The following CNOT11 variants were observed in gnomAD, a reference collection of about 807,000 sequenced individuals.
CNOT11 encodes UPF0760 protein C2orf29.
CNOT11 carries 18 observed loss-of-function variants against 44.6 expected under a neutral mutation model. The observed-to-expected ratio is 0.40, with a 90% CI of 0.28 to 0.60. CNOT11 has a LOEUF of 0.60. Ranked by LOEUF, CNOT11 falls within the 20% of genes least tolerant of loss-of-function variation. The pLI is 0.38. For synonymous variants in CNOT11, 291 were observed against 270.9 expected (o/e 1.07, Z -0.73); for missense variants, 513 against 677.0 (o/e 0.76, Z 2.69).
chr2:101,261,896 G>A (rs895295689), intron 2 of CNOT11, among the ~76,000 whole-genome samples: 1 of 137,980 alleles, frequency 7.2e-6, no homozygotes, highest in Admixed American at 8.4e-5. Context: ...GCCCAGGCTG[G>A]AGTGCAGTGG....
At chr2:101,258,121 C>T (rs541345527) in intron 2 of CNOT11, among the ~76,000 whole-genome samples, 166 bp downstream of exon 2, 4 of 152,064 alleles carry the variant, frequency 2.6e-5, no homozygotes, top group Admixed American at 6.6e-5. Flanking sequence ...TGGCTGGGCA[C>T]GGTGGCTCAC....
At chr2:101,255,853 T>C (rs1681725713) in intron 1 of CNOT11, among the ~76,000 whole-genome samples, 1 of 151,864 alleles carries the variant, frequency 6.6e-6, no homozygotes, top group African/African-American at 2.4e-5. Context: ...AAACTGGGTG[T>C]AAGGCCGGGT....
intron 1 of CNOT11, among the ~76,000 whole-genome samples, chr2:101,257,562 C>T (rs892946486): frequency 6.6e-6 from 1 of 152,102 alleles, no homozygotes; most frequent in African/African-American, 2.4e-5. Flanking sequence ...TTACAGTTAA[C>T]AAGTACAAAA....
Position 101,253,553 on chromosome 2 carries a change from C to CA in CNOT11, c.514+76dup. On this transcript the variant is annotated intron_variant, in intron 1 of 6. Transcript: ENST00000289382. The surrounding 1 kb of genome is among the most constrained non-coding windows in gnomAD (Gnocchi z 4.3). ...CTTTCCACCTGCGCTGCTGGGAACT[C>CA]ACCTGAAAGGGAAATTAACTATCCC... 2.4e-6 allele frequency: 3 copies of CA among 1,256,808 alleles called. No individual in the cohort carries two copies. The highest frequency in any genetic ancestry group is 3.1e-6 in the Non-Finnish European group (3 of 958,620). The allele number at this position is 1,256,808 out of a possible 1,614,324, so 77.9% of individuals were successfully genotyped here.
At chr2:101,264,820 G>C (rs372740879) in intron 3 of CNOT11, 25 bp from the exon 4 acceptor site, 1 of 1,594,782 alleles carries the variant, frequency 6.3e-7, no homozygotes, top group East Asian at 2.2e-5. Flanking sequence ...CCTGATAGGA[G>C]CAACTATCAC....
intron 4 of CNOT11, among the ~76,000 whole-genome samples, chr2:101,265,580 A>C (rs911885349): frequency 6.6e-6 from 1 of 152,210 alleles, no homozygotes; most frequent in Middle Eastern, 3.4e-3. Flanking sequence ...GATGGCAAAA[A>C]TGTTCTAACT....
chr2:101,254,078 G>T (rs1041276038), intron 1 of CNOT11, among the ~76,000 whole-genome samples: 32 of 152,146 alleles, frequency 2.1e-4, no homozygotes, highest in African/African-American at 7.5e-4. Context: ...ATTTACTATT[G>T]TGTGGCATTG....
chr2:101,262,686 T>C lies in CNOT11; in HGVS notation c.827T>C (p.Ile276Thr), dbSNP rs140608354. ...TTAGTCAGCGGACCAAAGCCACCTA[T>C]TGAAAGTAGGTACATATAAATTAAT... Reference protein sequence around the residue: ...EALVSGPKPPIESHFRPEFIR... With the variant: ...EALVSGPKPPTESHFRPEFIR... Residue 276 changes from isoleucine to threonine, a missense_variant, in exon 3 of 7, where the codon ATT becomes ACT. Physicochemically the swap from Ile to Thr is moderately conservative, Grantham distance 89. Around this residue, in one of 4 missense-constraint regions of CNOT11, gnomAD observed 140 missense variants for 169.8 expected, o/e 0.82. Transcript: ENST00000289382. 1 of 1,612,888 alleles carries C rather than the reference T, an allele frequency of 6.2e-7. No homozygotes were observed.
Position 101,253,246 on chromosome 2 carries a change from C to T in CNOT11, c.282C>T (p.His94=), listed in dbSNP as rs773448182. The change falls in exon 1 of 7, where the codon CAC becomes CAT. Residue 94 remains histidine (H), a synonymous_variant. Transcript: ENST00000289382. The surrounding 1 kb of genome is among the most constrained non-coding windows in gnomAD (Gnocchi z 4.3). ...AGGGCCTGTCCACCGCCTTCCACCA[C>T]TACTTCAGCAAGGCCGACCACTTCC... ...TFEGLSTAFH[H]YFSKADHFRL... 1.9e-6 allele frequency: 3 copies of T among 1,611,848 alleles called. No homozygotes were observed. The highest frequency in any genetic ancestry group is 1.7e-5 in the Admixed American group (1 of 59,960).
At chr2:101,254,248 A>G (rs1228036091) in intron 1 of CNOT11, among the ~76,000 whole-genome samples, 1 of 152,226 alleles carries the variant, frequency 6.6e-6, no homozygotes, top group Non-Finnish European at 1.5e-5. Flanking sequence ...TTTAGGAACC[A>G]GTGTAGTGGA....
At chr2:101,264,090 C>T (rs1025359250) in intron 3 of CNOT11, among the ~76,000 whole-genome samples, 14 of 152,124 alleles carry the variant, frequency 9.2e-5, no homozygotes, top group African/African-American at 3.1e-4. Flanking sequence ...TTTGGCAGGG[C>T]TAGGATCCAT....
chr2:101,267,833 G>T (rs998517638), intron 5 of CNOT11, among the ~76,000 whole-genome samples: 1 of 152,188 alleles, frequency 6.6e-6, no homozygotes, highest in Non-Finnish European at 1.5e-5. Context: ...TCCCTTTCAC[G>T]TGGTATCCTG....
intron 1 of CNOT11, among the ~76,000 whole-genome samples, chr2:101,257,519 G>A (rs576238016): frequency 1.1e-3 from 173 of 152,026 alleles, no homozygotes; most frequent in Non-Finnish European, 2.0e-3. Flanking sequence ...CTGCCAGGCT[G>A]CGTTTTGTGT....
At chr2:101,267,841 C>CTG (rs1484902579) in intron 5 of CNOT11, among the ~76,000 whole-genome samples, 1 of 152,146 alleles carries the variant, frequency 6.6e-6, no homozygotes, top group Non-Finnish European at 1.5e-5. Context: ...ACGTGGTATC[C>CTG]TGTTTTGGAT....
rs1682084364 is a variant in CNOT11 at position 101,270,300 on chromosome 2, C to CT, written c.*892dup. On this transcript the variant is annotated 3_prime_UTR_variant, in exon 7 of 7. Coordinates refer to ENST00000289382, the MANE Select transcript of CNOT11 (RefSeq NM_017546.5). The stretch of plus-strand genomic sequence containing the variant: ...GACAACAGTGCCTTCCATTAAAGTT[C>CT]TTTTTATCAACTGTTATCTGATGTA... The CT allele has an allele frequency of 6.6e-6, 1 of 152,310 alleles. No homozygotes were observed. Among genetic ancestry groups the CT allele is most frequent in the Admixed American group, 6.6e-5 (1 of 15,234 alleles). 9.4% of individuals were successfully genotyped at this position (152,310 alleles called of 1,614,324 possible).
chr2:101,259,341 G>T (rs181082751), intron 2 of CNOT11, among the ~76,000 whole-genome samples: 6 of 152,108 alleles, frequency 3.9e-5, no homozygotes, highest in African/African-American at 1.4e-4. Context: ...CTTTGTTCTC[G>T]TTCAGGATTG....
At chr2:101,261,844 C>CTTTTTTTTTTTTTTTT (rs3044629) in intron 2 of CNOT11, among the ~76,000 whole-genome samples, 1 of 111,854 alleles carries the variant, frequency 8.9e-6, no homozygotes, top group Non-Finnish European at 1.8e-5. Context: ...TTCTTTCTTT[C>CTTTTTTTTTTTTTTTT]TTTTTTTTTT....
intron 2 of CNOT11, 100 bp downstream of exon 2, chr2:101,258,055 GT>G: frequency 8.4e-7 from 1 of 1,195,386 alleles, no homozygotes. Context: ...CTGCTAAAAG[GT>G]TAGTATCATC....
Position 101,268,046 on chromosome 2 carries a change from T to C in CNOT11, c.1239-994T>C, listed in dbSNP as rs143807658. 6.3e-3 allele frequency among the ~76,000 whole-genome samples: 957 copies of C among 152,340 alleles called. 4 individuals carry two copies. Among genetic ancestry groups the C allele is most frequent in the African/African-American group, 0.022 (914 of 41,588 alleles). ...GGGGAAAAAAAGCCCAGCTGGAAGC[T>C]GAGGGAGTGGAAGTACGTGCATAGA... is the stretch of plus-strand genomic sequence containing the variant. On this transcript the variant is annotated intron_variant, in intron 5 of 6. Transcript: ENST00000289382.
Sources: gnomAD v4.1 joint callset for allele counts (sites outside exome capture counted in the v4.1 genomes callset) on GRCh38, gnomAD v4.1.1 for gene constraint, gnomAD v4.1.1 regional missense constraint, Gnocchi (gnomAD v3.1) non-coding constraint, MANE v1.5 for transcripts, NCBI Gene and HGNC (gene_info 2026-07-23, HGNC 2026-07-21) for gene names.